The following DLEU7 variants were observed in gnomAD, a reference collection of about 807,000 sequenced individuals.
DLEU7 encodes deleted in lymphocytic leukemia 7, also known as leukemia-associated protein 7.
A neutral mutation model predicts 16.0 loss-of-function variants in DLEU7; 17 were observed. The observed-to-expected ratio is 1.06, with a 90% CI of 0.73 to 1.59. The LOEUF is 1.59. Ranked by LOEUF, DLEU7 falls within the 40% of genes most tolerant of loss-of-function variation. The probability of loss-of-function intolerance (pLI) is 0.00; values close to 1 mark genes in which losing one functional copy is unlikely to be tolerated. For synonymous variants in DLEU7, 113 were observed against 139.8 expected (o/e 0.81, Z 1.35); for missense variants, 308 against 314.9 (o/e 0.98, Z 0.17).
intron 1 of DLEU7, among the ~76,000 whole-genome samples, chr13:50,788,123 C>G (rs1875847288): frequency 6.6e-6 from 1 of 152,172 alleles, no homozygotes; most frequent in African/African-American, 2.4e-5. Flanking sequence ...GGGCTGAGTT[C>G]CACCGGACCT....
intron 1 of DLEU7, among the ~76,000 whole-genome samples, chr13:50,732,660 T>G (rs1332441939): frequency 6.7e-6 from 1 of 148,250 alleles, no homozygotes; most frequent in Non-Finnish European, 1.5e-5. Context: ...TATGCAAGAC[T>G]TGAAAGAATG....
At position 50,726,782 on chromosome 13, in the gene DLEU7, A is replaced by C. The variant is rs1165882897; in HGVS notation, c.460-13542T>G. Among the ~76,000 whole-genome samples, 2 of 151,856 alleles carry C rather than the reference A, an allele frequency of 1.3e-5. No homozygotes were observed. Among genetic ancestry groups the C allele is most frequent in the African/African-American group, 4.8e-5 (2 of 41,328 alleles). ...GGCTGTGACCTTGACCATGCCCCCT[A>C]CCTTCCTGGGCCTCAGGAAATGAAG... On this transcript the variant is annotated intron_variant, in intron 1 of 1. Transcript: ENST00000400393. The surrounding 1 kb of genome is among the most constrained non-coding windows in gnomAD (Gnocchi z 4.0).
At chr13:50,736,635 G>A (rs1874078348) in intron 1 of DLEU7, among the ~76,000 whole-genome samples, 1 of 151,966 alleles carries the variant, frequency 6.6e-6, no homozygotes, top group African/African-American at 2.4e-5. Context: ...CCAAGATTCT[G>A]TTTCAAGAAG....
At chr13:50,770,199 CA>C (rs1444263690) in intron 1 of DLEU7, among the ~76,000 whole-genome samples, 1 of 152,154 alleles carries the variant, frequency 6.6e-6, no homozygotes, top group Non-Finnish European at 1.5e-5. Flanking sequence ...TCTAAATATA[CA>C]ATCATGTCAT....
At chr13:50,822,494 G>GA (rs11330207), downstream of DLEU7, 5,658 of 317,864 alleles carry the variant, frequency 0.018, 64 homozygotes, top group African/African-American at 0.054. Context: ...GACTGTTGTT[G>GA]AAAAAAAAAA....
intron 1 of DLEU7, among the ~76,000 whole-genome samples, chr13:50,731,908 C>G (rs1036047374): frequency 5.9e-5 from 9 of 152,038 alleles, no homozygotes; most frequent in African/African-American, 2.2e-4. Context: ...CGTTAAAAAT[C>G]TACTTATAAT....
chr13:50,800,132 A>G (rs895600375), intron 1 of DLEU7, among the ~76,000 whole-genome samples: 1 of 152,314 alleles, frequency 6.6e-6, no homozygotes, highest in Middle Eastern at 3.4e-3. Flanking sequence ...TGGCAGATTA[A>G]GAAAGCACAA....
intron 1 of DLEU7, among the ~76,000 whole-genome samples, chr13:50,833,704 T>C (rs939728552): frequency 1.2e-4 from 18 of 152,180 alleles, no homozygotes; most frequent in African/African-American, 2.9e-4. Context: ...AAATTTCATA[T>C]GGAACCGAAA....
chr13:50,793,556 T>C (rs549105225), intron 1 of DLEU7, among the ~76,000 whole-genome samples: 39 of 152,346 alleles, frequency 2.6e-4, no homozygotes, highest in Non-Finnish European at 3.7e-4. Flanking sequence ...CTGACTGGTA[T>C]GAAATATCTC....
intron 1 of DLEU7, among the ~76,000 whole-genome samples, chr13:50,816,374 A>C (rs1566261163): frequency 6.6e-6 from 1 of 152,264 alleles, no homozygotes; most frequent in East Asian, 1.9e-4. Context: ...GTTACAGAGG[A>C]AATAGGTGTC....
At chr13:50,742,075 T>A (rs372176929) in intron 1 of DLEU7, among the ~76,000 whole-genome samples, 54 of 152,268 alleles carry the variant, frequency 3.5e-4, no homozygotes, top group South Asian at 1.7e-3. Flanking sequence ...TATTTTGCCC[T>A]AAGATATTCA....
intron 1 of DLEU7, among the ~76,000 whole-genome samples, chr13:50,739,267 A>G (rs1290691091): frequency 6.6e-6 from 1 of 152,140 alleles, no homozygotes; most frequent in Non-Finnish European, 1.5e-5. Flanking sequence ...AACTGTTACT[A>G]TACCACTTCT....
intron 1 of DLEU7, among the ~76,000 whole-genome samples, chr13:50,732,909 C>T (rs928092039): frequency 6.6e-6 from 1 of 152,150 alleles, no homozygotes; most frequent in Non-Finnish European, 1.5e-5. Context: ...GCTCCCTGAG[C>T]AGATATGGCT....
At chr13:50,800,618 T>C (rs1593400515) in intron 1 of DLEU7, among the ~76,000 whole-genome samples, 1 of 152,238 alleles carries the variant, frequency 6.6e-6, no homozygotes, top group African/African-American at 2.4e-5. Flanking sequence ...CATTAAAACT[T>C]CTGCCCATCC....
chr13:50,733,185 T>C (rs150548147), intron 1 of DLEU7, among the ~76,000 whole-genome samples: 8 of 152,348 alleles, frequency 5.3e-5, no homozygotes, highest in Non-Finnish European at 1.0e-4. Context: ...ACAGTGATGA[T>C]GCTCAAGCCT....
chr13:50,826,539 T>C (rs745465444), intron 1 of DLEU7, among the ~76,000 whole-genome samples: 1 of 152,070 alleles, frequency 6.6e-6, no homozygotes, highest in Non-Finnish European at 1.5e-5. Flanking sequence ...GTGGGAAATA[T>C]GAATGAGAAG....
chr13:50,804,437 G>A (rs1032671431), intron 1 of DLEU7, among the ~76,000 whole-genome samples: 6 of 147,712 alleles, frequency 4.1e-5, no homozygotes, highest in African/African-American at 1.5e-4. Context: ...TTTTTCTGTT[G>A]TTGTTGTTTT....
chr13:50,759,096 G>C (rs896658630), intron 1 of DLEU7, among the ~76,000 whole-genome samples: 41 of 152,304 alleles, frequency 2.7e-4, no homozygotes, highest in Admixed American at 2.3e-3. Context: ...TTTCAAACTA[G>C]TTCATCCAAT....
At chr13:50,805,096 G>C (rs1876353524) in intron 1 of DLEU7, among the ~76,000 whole-genome samples, 1 of 151,956 alleles carries the variant, frequency 6.6e-6, no homozygotes, top group Non-Finnish European at 1.5e-5. Context: ...GAATAGTTGT[G>C]GTAGTAGACA....
Sources: gnomAD v4.1 joint callset for allele counts (sites outside exome capture counted in the v4.1 genomes callset) on GRCh38, gnomAD v4.1.1 for gene constraint, Gnocchi (gnomAD v3.1) non-coding constraint, MANE v1.5 for transcripts, NCBI Gene and HGNC (gene_info 2026-07-23, HGNC 2026-07-21) for gene names.